Variants in RBFOX1 observed in about 807,000 individuals in gnomAD.
RBFOX1 encodes the protein RNA binding fox-1 homolog 1.
Under a neutral mutation model 57.7 loss-of-function variants are expected in RBFOX1, and 8 were observed. That is an observed-to-expected ratio of 0.14 (90% CI 0.08 to 0.25). The LOEUF (loss-of-function observed/expected upper bound fraction) is 0.25, where lower values mean the gene tolerates loss of function less well. Ranked by LOEUF, RBFOX1 falls within the 10% of genes least tolerant of loss-of-function variation. RBFOX1 has a pLI of 1.00. For synonymous variants in RBFOX1, 326 were observed against 222.4 expected, an observed-to-expected ratio of 1.47 and a Z score of -4.15; for missense variants, 611 against 548.5, an observed-to-expected ratio of 1.11 and a Z score of -1.14.
intron 5 of RBFOX1, among the ~76,000 whole-genome samples, chr16:7,568,307 G>A (rs904412105): frequency 2.0e-5 from 3 of 152,130 alleles, no homozygotes; most frequent in Non-Finnish European, 4.4e-5. Flanking sequence ...CTGGGAAAGG[G>A]TTGGGCAATT....
chr16:5,665,774 G>A (rs1229957058), intron 3 of RBFOX1, among the ~76,000 whole-genome samples: 1 of 152,224 alleles, frequency 6.6e-6, no homozygotes, highest in African/African-American at 2.4e-5. Flanking sequence ...GGCCCTCACA[G>A]GGGGTTCGGG....
intron 4 of RBFOX1, among the ~76,000 whole-genome samples, chr16:7,467,821 G>A (rs1036236730): frequency 6.6e-6 from 1 of 152,168 alleles, no homozygotes; most frequent in Admixed American, 6.5e-5. Context: ...AGTCTTTACA[G>A]AGTCCTTCTT....
intron 3 of RBFOX1, among the ~76,000 whole-genome samples, chr16:6,846,437 G>A (rs145158466): frequency 6.6e-6 from 1 of 152,152 alleles, no homozygotes; most frequent in African/African-American, 2.4e-5. Flanking sequence ...ACAAGAGACT[G>A]CACTGTGTTC....
chr16:7,701,121 G>T (rs73498743), intron 14 of RBFOX1, among the ~76,000 whole-genome samples: 1 of 150,266 alleles, frequency 6.7e-6, no homozygotes, highest in Non-Finnish European at 1.5e-5. Context: ...GAAGTTAAGC[G>T]CTTTAAAGAC....
intron 4 of RBFOX1, among the ~76,000 whole-genome samples, chr16:7,458,115 T>G (rs1276192672): frequency 1.3e-5 from 2 of 152,140 alleles, no homozygotes; most frequent in African/African-American, 4.8e-5. Context: ...TTTGCCGTAT[T>G]CCAGTAAGTT....
intron 3 of RBFOX1, among the ~76,000 whole-genome samples, chr16:6,702,806 A>T (rs1049945423): frequency 6.6e-6 from 1 of 152,204 alleles, no homozygotes; most frequent in Admixed American, 6.5e-5. Context: ...GCCATTTTAA[A>T]TGTAGAGTTC....
chr16:6,246,296 A>G (rs749761687), intron 1 of RBFOX1, among the ~76,000 whole-genome samples: 2 of 152,072 alleles, frequency 1.3e-5, no homozygotes, highest in Non-Finnish European at 2.9e-5. Context: ...TCCAGCTCTT[A>G]GTGGGCTATA....
intron 1 of RBFOX1, among the ~76,000 whole-genome samples, chr16:6,107,381 A>G (rs770710682): frequency 2.6e-5 from 4 of 152,032 alleles, no homozygotes; most frequent in African/African-American, 4.8e-5. Context: ...CCTCTTTCTT[A>G]TCCACATGCT....
chr16:7,404,706 AAAC>A (rs1258210628), intron 4 of RBFOX1, among the ~76,000 whole-genome samples: 1 of 144,444 alleles, frequency 6.9e-6, no homozygotes, highest in Non-Finnish European at 1.6e-5. Flanking sequence ...TTTTCAGAAA[AAAC>A]AAACAAACAA....
chr16:5,392,779 TGG>T (rs2066449071), intron 1 of RBFOX1, among the ~76,000 whole-genome samples: 1 of 152,116 alleles, frequency 6.6e-6, no homozygotes, highest in Non-Finnish European at 1.5e-5. Flanking sequence ...CTGCCATCCC[TGG>T]GTCTGTTGTA....
intron 4 of RBFOX1, among the ~76,000 whole-genome samples, chr16:7,417,976 C>T (rs2098500856): frequency 6.6e-6 from 1 of 152,138 alleles, no homozygotes; most frequent in Non-Finnish European, 1.5e-5. Flanking sequence ...ATCACCACAA[C>T]CACCCTCATC....
At chr16:6,940,427 C>A (rs889691504) in intron 3 of RBFOX1, among the ~76,000 whole-genome samples, 1 of 152,184 alleles carries the variant, frequency 6.6e-6, no homozygotes, top group Non-Finnish European at 1.5e-5. Context: ...CTCCTTTAAT[C>A]TTCTCTCTGT....
Position 6,687,744 on chromosome 16 carries a change from C to G in RBFOX1, c.-16+33094C>G, listed in dbSNP as rs80020006. 2.4e-3 allele frequency among the ~76,000 whole-genome samples: 359 copies of G among 152,234 alleles called. No individual in the cohort carries two copies. The East Asian group carries it at 0.034, about 14-fold the overall frequency. ...AGGACAGAGGATGGAAGGCTCACAG[C>G]TACTCTGTTATAGGTCAGCCCAGAG... On this transcript the variant is annotated intron_variant, in intron 3 of 15. Transcript: ENST00000550418.
intron 2 of RBFOX1, among the ~76,000 whole-genome samples, chr16:5,509,947 T>C (rs927872460): frequency 1.3e-5 from 2 of 152,156 alleles, no homozygotes; most frequent in African/African-American, 4.8e-5. Context: ...TTTTAGCAGG[T>C]GGTCATGTGA....
chr16:7,442,756 A>G (rs2098778651), intron 4 of RBFOX1, among the ~76,000 whole-genome samples: 1 of 152,164 alleles, frequency 6.6e-6, no homozygotes. Context: ...CCTGGTTGCT[A>G]ATAGAAACCA....
At chr16:7,245,787 C>T (rs548817863) in intron 4 of RBFOX1, among the ~76,000 whole-genome samples, 1 of 152,276 alleles carries the variant, frequency 6.6e-6, no homozygotes, top group South Asian at 2.1e-4. Context: ...GTCCATCAGT[C>T]TTGCATAGTG....
intron 2 of RBFOX1, among the ~76,000 whole-genome samples, chr16:5,576,788 G>A (rs1425398965): frequency 6.6e-6 from 1 of 152,222 alleles, no homozygotes; most frequent in Non-Finnish European, 1.5e-5. Flanking sequence ...GAAAAGTTCA[G>A]CTTCAGATAT....
chr16:6,983,593 A>C (rs1599121460), intron 3 of RBFOX1: 1 of 152,174 alleles, frequency 6.6e-6, no homozygotes, highest in Admixed American at 6.5e-5. Flanking sequence ...TCATAAAAGC[A>C]TTGGCAACAT....
intron 3 of RBFOX1, among the ~76,000 whole-genome samples, chr16:5,780,832 C>T (rs1315813761): frequency 6.6e-6 from 1 of 152,210 alleles, no homozygotes; most frequent in African/African-American, 2.4e-5. Flanking sequence ...CACTTCTTTG[C>T]TTTCTCCTCT....
Sources: gnomAD v4.1 joint callset for allele counts (sites outside exome capture counted in the v4.1 genomes callset) on GRCh38, gnomAD v4.1.1 for gene constraint, MANE v1.5 for transcripts, NCBI Gene and HGNC (gene_info 2026-07-23, HGNC 2026-07-21) for gene names.